The following SHB variants were observed in gnomAD, a reference collection of about 807,000 sequenced individuals.
The protein encoded by SHB is SH2 domain containing adaptor protein B.
A neutral mutation model predicts 52.3 loss-of-function variants in SHB; 20 were observed. The observed-to-expected ratio is 0.38, with a 90% CI of 0.27 to 0.56. SHB has a LOEUF of 0.56. SHB is among the 20% of genes least tolerant of loss of function. The pLI is 0.71. For missense variants in SHB, 825 were observed against 723.3 expected (o/e 1.14, Z -1.61); for synonymous variants, 397 against 316.5 (o/e 1.25, Z -2.70).
At chr9:37,976,171 G>A (rs555566980) in intron 2 of SHB, among the ~76,000 whole-genome samples, 2 of 152,186 alleles carry the variant, frequency 1.3e-5, no homozygotes, top group Admixed American at 6.5e-5. Flanking sequence ...AAATAGCTAG[G>A]AGCACAAATG....
At chr9:38,007,930 T>C (rs1309229547) in intron 2 of SHB, among the ~76,000 whole-genome samples, 1 of 152,264 alleles carries the variant, frequency 6.6e-6, no homozygotes, top group Admixed American at 6.5e-5. Flanking sequence ...TTTGCTGGGA[T>C]GCTGCCCTCT....
chr9:38,057,264 A>C (rs989027446), intron 1 of SHB, among the ~76,000 whole-genome samples: 4 of 152,242 alleles, frequency 2.6e-5, no homozygotes, highest in Non-Finnish European at 4.4e-5. Context: ...TTTACGTTTA[A>C]AAAAATATAG....
intron 3 of SHB, among the ~76,000 whole-genome samples, chr9:37,956,324 G>T (rs1173599450): frequency 1.3e-5 from 2 of 152,132 alleles, no homozygotes; most frequent in Admixed American, 6.5e-5. Flanking sequence ...ACCTCCCTGT[G>T]GCCTCTAGCG....
In SHB at chr9:37,948,578, C is replaced by G; in HGVS notation, c.1346+57G>C. ...GTTTTTCTGCCACAGACACGGTGGC[C>G]GGCTGCGCTCGCAGAGGCTGCCGAG... On this transcript the variant is annotated intron_variant, in intron 5 of 5. Transcript: ENST00000377707. 1.9e-6 allele frequency: 3 copies of G among 1,594,844 alleles called. No homozygotes were observed. In the South Asian group the frequency reaches 3.3e-5, roughly 18 times the overall value.
intron 3 of SHB, among the ~76,000 whole-genome samples, chr9:37,957,002 C>T (rs1832643322): frequency 6.6e-6 from 1 of 152,180 alleles, no homozygotes; most frequent in Non-Finnish European, 1.5e-5. Context: ...GCAACTGAAC[C>T]AACCTGAGTT....
At chr9:38,037,088 A>G (rs1042214998) in intron 1 of SHB, among the ~76,000 whole-genome samples, 1 of 152,188 alleles carries the variant, frequency 6.6e-6, no homozygotes, top group Non-Finnish European at 1.5e-5. Context: ...AGTTCTGTGT[A>G]CTGCCCTGTA....
intron 1 of SHB, among the ~76,000 whole-genome samples, chr9:38,038,959 G>A (rs182454119): frequency 1.0e-3 from 156 of 152,336 alleles, no homozygotes; most frequent in Non-Finnish European, 1.9e-3. Context: ...AGGAAGTGAG[G>A]AGATGGAAGT....
Position 37,955,900 on chromosome 9 carries a change from G to A in SHB, c.1209C>T (p.Val403=). 2 of 1,613,808 alleles carry A rather than the reference G, an allele frequency of 1.2e-6. No homozygotes were observed. The highest frequency in any genetic ancestry group is 8.5e-7 in the Non-Finnish European group (1 of 1,179,876). Residue 403 remains valine (V), a synonymous_variant, in exon 4 of 6, where the codon GTC becomes GTT. Transcript: ENST00000377707. ...GAACTTACATTTGCTTCTCCAGGGG[G>A]ACGGCAGGATCCACCCTTTCTCCTA... ...GILGERVDPA[V]PLEKQIWYHG...
At chr9:37,978,776 C>T (rs1820685454) in intron 2 of SHB, among the ~76,000 whole-genome samples, 2 of 152,122 alleles carry the variant, frequency 1.3e-5, no homozygotes, top group African/African-American at 2.4e-5. Context: ...AGGTAAACAG[C>T]TACTGTGTAG....
At chr9:38,034,352 C>G (rs1821455223) in intron 1 of SHB, among the ~76,000 whole-genome samples, 1 of 152,226 alleles carries the variant, frequency 6.6e-6, no homozygotes, top group South Asian at 2.1e-4. Flanking sequence ...GCTGCAAGGA[C>G]AGTGATAATG....
At chr9:37,953,421 G>GTT (rs113257901) in intron 4 of SHB, among the ~76,000 whole-genome samples, 8 of 146,924 alleles carry the variant, frequency 5.4e-5, no homozygotes, top group South Asian at 2.2e-4. Flanking sequence ...TTGAGTCAAG[G>GTT]TTTTTTTTTT....
chr9:38,012,496 T>C (rs1437565372), intron 2 of SHB, among the ~76,000 whole-genome samples: 3 of 138,002 alleles, frequency 2.2e-5, no homozygotes, highest in Non-Finnish European at 4.5e-5. Flanking sequence ...TGCCTCCCCG[T>C]TGTTGTTATC....
chr9:38,040,380 C>T (rs1476759595), intron 1 of SHB, among the ~76,000 whole-genome samples: 3 of 152,160 alleles, frequency 2.0e-5, no homozygotes, highest in Admixed American at 6.5e-5. Context: ...CACATGAATG[C>T]CGGCCGTTAT....
intron 1 of SHB, among the ~76,000 whole-genome samples, chr9:38,016,898 T>G (rs562316181): frequency 6.6e-6 from 1 of 152,318 alleles, no homozygotes; most frequent in East Asian, 1.9e-4. Flanking sequence ...ACACAGCCCC[T>G]GCCTCTTCTC....
In SHB at chr9:38,058,105, CCT is replaced by C. The variant is rs1233586616; in HGVS notation, c.717+9822_717+9823del. 2.0e-5 allele frequency among the ~76,000 whole-genome samples: 3 copies of C among 152,350 alleles called. No homozygotes were observed. The East Asian group carries it at 5.8e-4, about 29-fold the overall frequency. ...TGGCATGCCCCAAGCTCTGGCCACC[CCT>C]GACTGCACACAGCAGAGTTCCCCTT... is the stretch of plus-strand genomic sequence containing the variant. On this transcript the variant is annotated intron_variant, in intron 1 of 5. Transcript: ENST00000377707.
At chr9:37,995,703 G>A (rs890713150) in intron 2 of SHB, among the ~76,000 whole-genome samples, 2 of 152,196 alleles carry the variant, frequency 1.3e-5, no homozygotes, top group Non-Finnish European at 2.9e-5. Context: ...AGGGAGCAAT[G>A]AGACCAAGGG....
At chr9:38,054,025 G>A (rs866134816) in intron 1 of SHB, among the ~76,000 whole-genome samples, 1 of 152,172 alleles carries the variant, frequency 6.6e-6, no homozygotes, top group Admixed American at 6.5e-5. Flanking sequence ...GAATGGTCAG[G>A]AAACACCATC....
At chr9:38,025,820 T>TC (rs1237043429) in intron 1 of SHB, among the ~76,000 whole-genome samples, 1 of 151,970 alleles carries the variant, frequency 6.6e-6, no homozygotes, top group African/African-American at 2.4e-5. Flanking sequence ...ATCCAGACTA[T>TC]CCCCCTCCCC....
At chr9:37,948,047 C>T (rs1362230408) in intron 5 of SHB, among the ~76,000 whole-genome samples, 1 of 152,224 alleles carries the variant, frequency 6.6e-6, no homozygotes, top group Non-Finnish European at 1.5e-5. Context: ...CCTCACAGGT[C>T]AGAAAGACCT....
Sources: allele counts gnomAD v4.1 joint callset (sites outside exome capture counted in the v4.1 genomes callset), GRCh38; gene constraint gnomAD v4.1.1; transcripts MANE v1.5; gene names NCBI Gene and HGNC (gene_info 2026-07-23, HGNC 2026-07-21).